The following SGCD variants were observed in gnomAD, a reference collection of about 807,000 sequenced individuals.
SGCD encodes the protein delta-sarcoglycan.
SGCD carries 18 observed loss-of-function variants against 36.6 expected under a neutral mutation model. That is an observed-to-expected ratio of 0.49 (90% CI 0.34 to 0.73). The LOEUF is 0.73. Ranked by LOEUF, SGCD falls within the 30% of genes least tolerant of loss-of-function variation. SGCD has a pLI of 0.01. For synonymous variants in SGCD, 133 were observed against 130.6 expected, an observed-to-expected ratio of 1.02 and a Z score of -0.12; for missense variants, 387 against 346.7, an observed-to-expected ratio of 1.12 and a Z score of -0.92.
At chr5:156,539,587 T>A (rs1187548495) in intron 4 of SGCD, among the ~76,000 whole-genome samples, 1 of 152,178 alleles carries the variant, frequency 6.6e-6, no homozygotes. Flanking sequence ...AAAGACATTA[T>A]TTCATTCATT....
intron 5 of SGCD, among the ~76,000 whole-genome samples, chr5:156,594,210 T>G (rs1274003098): frequency 6.6e-6 from 1 of 152,182 alleles, no homozygotes; most frequent in Non-Finnish European, 1.5e-5. Context: ...AAATTTTAAA[T>G]GTATATTGGT....
chr5:156,483,115 G>A (rs532032540), intron 3 of SGCD, among the ~76,000 whole-genome samples: 2 of 152,228 alleles, frequency 1.3e-5, no homozygotes, highest in South Asian at 4.1e-4. Context: ...AGCCAGCTGT[G>A]CAGAGAGCCT....
chr5:156,109,511 A>G (rs189623826), intron 1 of SGCD, among the ~76,000 whole-genome samples: 2 of 152,268 alleles, frequency 1.3e-5, no homozygotes, highest in South Asian at 2.1e-4. Context: ...ACTCATCCCA[A>G]TGTATTTTTC....
At chr5:155,764,456 C>G in the SGCD span, among the ~76,000 whole-genome samples, 1 of 152,234 alleles carries the variant, frequency 6.6e-6, no homozygotes, top group African/African-American at 2.4e-5. Context: ...CATCTGTGCT[C>G]GTAGGTTGCA....
chr5:155,793,295 A>C, the SGCD span, among the ~76,000 whole-genome samples: 2 of 152,270 alleles, frequency 1.3e-5, no homozygotes, highest in Non-Finnish European at 1.5e-5. Flanking sequence ...GTTGGATACC[A>C]TGCTCACTAC....
intron 4 of SGCD, among the ~76,000 whole-genome samples, chr5:156,546,833 G>C (rs990402083): frequency 2.0e-5 from 3 of 152,164 alleles, no homozygotes; most frequent in African/African-American, 7.2e-5. Context: ...CAAAGAAATA[G>C]CATGGGATAA....
chr5:156,329,667 G>C, intron 2 of SGCD, 88 bp downstream of exon 2: 1 of 1,205,542 alleles, frequency 8.3e-7, no homozygotes, highest in Non-Finnish European at 1.2e-6. Context: ...AGAGAACAAA[G>C]TGTTATATAT....
intron 3 of SGCD, among the ~76,000 whole-genome samples, chr5:156,221,278 T>G (rs1251193249): frequency 2.0e-5 from 3 of 152,094 alleles, no homozygotes. Context: ...ACGGTACAAT[T>G]CTTGAAGTTT....
intron 3 of SGCD, among the ~76,000 whole-genome samples, chr5:156,262,060 T>G (rs1248429457): frequency 6.6e-6 from 1 of 152,118 alleles, no homozygotes; most frequent in Non-Finnish European, 1.5e-5. Flanking sequence ...AATTCGTTAC[T>G]GAAGAAAAGA....
intron 6 of SGCD, among the ~76,000 whole-genome samples, chr5:156,635,530 A>G (rs938346752): frequency 6.6e-6 from 1 of 152,142 alleles, no homozygotes; most frequent in African/African-American, 2.4e-5. Context: ...CCATCCCATT[A>G]CTGGGTATAT....
At chr5:156,705,969 C>T (rs1358238734) in intron 7 of SGCD, among the ~76,000 whole-genome samples, 2 of 152,090 alleles carry the variant, frequency 1.3e-5, no homozygotes, top group Non-Finnish European at 2.9e-5. Context: ...CAATCAACCA[C>T]CTGGTATAAT....
At chr5:156,520,744 G>A (rs554468075) in intron 4 of SGCD, among the ~76,000 whole-genome samples, 16 of 152,066 alleles carry the variant, frequency 1.1e-4, no homozygotes, top group Admixed American at 3.3e-4. Flanking sequence ...ACAGCCAGGC[G>A]CGGTGGCTCA....
At chr5:156,613,115 G>C (rs905149972) in intron 6 of SGCD, among the ~76,000 whole-genome samples, 1 of 152,206 alleles carries the variant, frequency 6.6e-6, no homozygotes, top group African/African-American at 2.4e-5. Context: ...ATGTTCCACA[G>C]GGATCTTGCC....
intron 3 of SGCD, among the ~76,000 whole-genome samples, chr5:156,248,839 G>C (rs1765505106): frequency 6.6e-6 from 1 of 152,166 alleles, no homozygotes; most frequent in South Asian, 2.1e-4. Context: ...ATTCTTAAGA[G>C]GACTTTGTAT....
the SGCD span, among the ~76,000 whole-genome samples, chr5:155,754,597 C>T: frequency 6.6e-6 from 1 of 152,212 alleles, no homozygotes; most frequent in Middle Eastern, 3.2e-3. Context: ...CATTGTATTG[C>T]ACTGGTGTGC....
chr5:156,679,012 G>C (rs1753621941), intron 7 of SGCD, among the ~76,000 whole-genome samples: 1 of 152,144 alleles, frequency 6.6e-6, no homozygotes, highest in South Asian at 2.1e-4. Context: ...TGTGAATATG[G>C]GAGGGAGCAG....
intron 3 of SGCD, among the ~76,000 whole-genome samples, chr5:156,129,963 G>A (rs1222192112): frequency 1.3e-5 from 2 of 152,154 alleles, no homozygotes; most frequent in Non-Finnish European, 2.9e-5. Flanking sequence ...ATGCACATGT[G>A]TCTTTATGGT....
Position 156,764,607 on chromosome 5 carries a change from C to T in SGCD, c.*5217C>T, listed in dbSNP as rs1488073686. The T allele has an allele frequency of 6.6e-6, 1 of 152,434 alleles. No homozygotes were observed. Among genetic ancestry groups the T allele is most frequent in the Non-Finnish European group, 1.5e-5 (1 of 68,010 alleles). 9.4% of individuals were successfully genotyped at this position (152,434 alleles called of 1,614,324 possible). A position where few individuals can be genotyped will look rare whatever the true frequency, so the allele number is the denominator to read the frequency against. ...GAGCATACATGTAAAAGAAAATAAC[C>T]TTTTTGGGGCAACTCATGCTCACAC... On this transcript the variant is annotated 3_prime_UTR_variant, in exon 9 of 9. Transcript: ENST00000337851.
At chr5:156,237,318 A>G (rs775976542) in intron 3 of SGCD, among the ~76,000 whole-genome samples, 1 of 152,074 alleles carries the variant, frequency 6.6e-6, no homozygotes, top group Non-Finnish European at 1.5e-5. Flanking sequence ...AGTGGCCATA[A>G]ATTTTATAAA....
Sources: allele counts gnomAD v4.1 joint callset (sites outside exome capture counted in the v4.1 genomes callset), GRCh38; gene constraint gnomAD v4.1.1; transcripts MANE v1.5; gene names NCBI Gene and HGNC (gene_info 2026-07-23, HGNC 2026-07-21).